SLC8A1: variants seen among roughly 807,000 people sequenced by gnomAD.
SLC8A1 encodes sodium/calcium exchanger 1.
Under a neutral mutation model 68.3 loss-of-function variants are expected in SLC8A1, and 18 were observed. That is an observed-to-expected ratio of 0.26 (90% CI 0.18 to 0.39). The LOEUF (loss-of-function observed/expected upper bound fraction) is 0.39, where lower values mean the gene tolerates loss of function less well. Among genes scored for constraint, SLC8A1 ranks in the 10% least tolerant of loss-of-function variants. The pLI is 1.00. For synonymous variants in SLC8A1, 475 were observed against 415.5 expected (o/e 1.14, Z -1.74); for missense variants, 985 against 1,156.7 (o/e 0.85, Z 2.15).
At chr2:40,233,009 T>C (rs1190232283) in intron 2 of SLC8A1, among the ~76,000 whole-genome samples, 1 of 151,994 alleles carries the variant, frequency 6.6e-6, no homozygotes, top group Non-Finnish European at 1.5e-5. Context: ...TGTTGGACAT[T>C]TGGGTTGGTT....
chr2:40,347,921 T>A (rs1479441829), intron 2 of SLC8A1, among the ~76,000 whole-genome samples: 1 of 152,200 alleles, frequency 6.6e-6, no homozygotes, highest in South Asian at 2.1e-4. Context: ...TACACATTCT[T>A]TTCTGTCTAA....
intron 1 of SLC8A1, among the ~76,000 whole-genome samples, chr2:40,445,355 C>T (rs1034618957): frequency 1.3e-5 from 2 of 152,232 alleles, no homozygotes; most frequent in East Asian, 1.9e-4. Flanking sequence ...AGTCGTAGTT[C>T]CCTTTCCACC....
At chr2:40,159,059 G>A (rs1279584125) in intron 6 of SLC8A1, among the ~76,000 whole-genome samples, 4 of 152,098 alleles carry the variant, frequency 2.6e-5, no homozygotes, top group Admixed American at 1.3e-4. Context: ...ATGAACCAAC[G>A]TAAACCACTC....
In SLC8A1 at chr2:40,429,588, C is replaced by T. The variant is rs781291010; in HGVS notation, c.693G>A (p.Glu231=). The T allele has an allele frequency of 7.4e-6, 12 of 1,613,692 alleles. No individual in the cohort carries two copies. The South Asian group carries it at 1.1e-4, about 15-fold the overall frequency. ...AGAAAGTAAGCAAACCTTCCCAGAC[C>T]TCCACAACACCAGGAGATATGACAG... Residue 231 remains glutamate, a synonymous_variant, in exon 2 of 8, where the codon GAG becomes GAA. Transcript: ENST00000406785.
intron 6 of SLC8A1, among the ~76,000 whole-genome samples, chr2:40,143,905 C>T (rs2042016876): frequency 6.6e-6 from 1 of 152,142 alleles, no homozygotes; most frequent in Non-Finnish European, 1.5e-5. Context: ...AGACTTAAGC[C>T]ACTTTATAGT....
chr2:40,499,988 C>G lies in SLC8A1; in HGVS notation c.-25+12361G>C, dbSNP rs570831956. On this transcript the variant is annotated intron_variant, in intron 1 of 7. Transcript: ENST00000402441. ...AGTGGGAAAAGGCTTCTTTCTATCT[C>G]GAGATCAGAACAACCTTGAGATTTT... Among the ~76,000 whole-genome samples, 66 of 152,114 alleles carry G rather than the reference C, an allele frequency of 4.3e-4. 1 individual carries two copies. Among genetic ancestry groups the G allele is most frequent in the Non-Finnish European group, 7.1e-4 (48 of 67,976 alleles).
chr2:40,291,602 G>C (rs912462618), intron 2 of SLC8A1, among the ~76,000 whole-genome samples: 1 of 152,014 alleles, frequency 6.6e-6, no homozygotes, highest in African/African-American at 2.4e-5. Context: ...TAATTTGAAT[G>C]TGCATTTTGA....
chr2:40,432,797 C>G (rs991070921), intron 1 of SLC8A1, among the ~76,000 whole-genome samples: 1 of 152,100 alleles, frequency 6.6e-6, no homozygotes, highest in Non-Finnish European at 1.5e-5. Context: ...AAGGATCTCT[C>G]TGCTGGTTCA....
intron 2 of SLC8A1, among the ~76,000 whole-genome samples, chr2:40,351,888 C>A (rs377127543): frequency 6.6e-6 from 1 of 152,090 alleles, no homozygotes; most frequent in African/African-American, 2.4e-5. Context: ...AGGTGATGTA[C>A]GACAATTTCA....
intron 7 of SLC8A1, among the ~76,000 whole-genome samples, chr2:40,121,018 G>A (rs2036650346): frequency 6.6e-6 from 1 of 152,130 alleles, no homozygotes; most frequent in South Asian, 2.1e-4. Context: ...TTGTTGTTCT[G>A]TTTTATTTTG....
At chr2:40,420,665 G>A (rs918454075) in intron 2 of SLC8A1, among the ~76,000 whole-genome samples, 8 of 152,258 alleles carry the variant, frequency 5.3e-5, no homozygotes, top group Non-Finnish European at 1.0e-4. Context: ...AGTGGGGCAC[G>A]GGGTGCAATG....
At chr2:40,298,143 A>T (rs528218481) in intron 2 of SLC8A1, among the ~76,000 whole-genome samples, 1 of 152,068 alleles carries the variant, frequency 6.6e-6, no homozygotes, top group African/African-American at 2.4e-5. Context: ...CAGCCTCCCA[A>T]AGTGTTGGGA....
chr2:40,449,257 G>A (rs1410218064), intron 1 of SLC8A1, among the ~76,000 whole-genome samples: 1 of 151,590 alleles, frequency 6.6e-6, no homozygotes, highest in East Asian at 1.9e-4. Context: ...CTAAATGAAT[G>A]CCTTGGCTGG....
intron 2 of SLC8A1, among the ~76,000 whole-genome samples, chr2:40,382,867 C>G (rs1682347239): frequency 6.6e-6 from 1 of 151,880 alleles, no homozygotes; most frequent in Non-Finnish European, 1.5e-5. Flanking sequence ...GATTAACTAC[C>G]AGGAATATAA....
chr2:40,221,488 C>G (rs190004354), intron 2 of SLC8A1, among the ~76,000 whole-genome samples: 2 of 152,268 alleles, frequency 1.3e-5, no homozygotes, highest in Non-Finnish European at 2.9e-5. Flanking sequence ...AGGATGCCCT[C>G]TCTCACCACT....
intron 2 of SLC8A1, among the ~76,000 whole-genome samples, chr2:40,268,471 A>G (rs1458751451): frequency 3.3e-5 from 5 of 152,236 alleles, no homozygotes; most frequent in Non-Finnish European, 7.3e-5. Context: ...ATCACCCTGT[A>G]CCAAGCACTG....
At chr2:40,400,442 G>C (rs993325569) in intron 2 of SLC8A1, among the ~76,000 whole-genome samples, 7 of 152,220 alleles carry the variant, frequency 4.6e-5, no homozygotes, top group African/African-American at 1.7e-4. Flanking sequence ...AAGCTGTGTA[G>C]TCAAAATGTT....
chr2:40,299,962 C>T (rs2071132786), intron 2 of SLC8A1, among the ~76,000 whole-genome samples: 1 of 152,166 alleles, frequency 6.6e-6, no homozygotes, highest in Admixed American at 6.5e-5. Context: ...ATATCTCTAT[C>T]ACATTCCTGG....
exon 8 of SLC8A1, chr2:40,099,881 A>C (rs1487408208): frequency 6.6e-6 from 1 of 151,866 alleles, no homozygotes; most frequent in East Asian, 1.9e-4. Flanking sequence ...CTCTGAGAAC[A>C]CTCCAAAGGC....
Sources: allele counts gnomAD v4.1 joint callset (sites outside exome capture counted in the v4.1 genomes callset), GRCh38; gene constraint gnomAD v4.1.1; transcripts MANE v1.5; gene names NCBI Gene and HGNC (gene_info 2026-07-23, HGNC 2026-07-21).